GALNT13: variants seen among roughly 807,000 people sequenced by gnomAD.
The protein encoded by GALNT13 is UDP-GalNAc:polypeptide N-acetylgalactosaminyltransferase 13.
Under a neutral mutation model 64.2 loss-of-function variants are expected in GALNT13, and 28 were observed. The observed-to-expected ratio is 0.44, with a 90% CI of 0.32 to 0.60. GALNT13 has a LOEUF of 0.60. Among genes scored for constraint, GALNT13 ranks in the 20% least tolerant of loss-of-function variants. The pLI is 0.05. For missense variants in GALNT13, 577 were observed against 669.8 expected, an observed-to-expected ratio of 0.86 and a Z score of 1.53; for synonymous variants, 214 against 224.6, an observed-to-expected ratio of 0.95 and a Z score of 0.42.
chr2:153,837,340 G>C, the GALNT13 span, among the ~76,000 whole-genome samples: 1 of 151,784 alleles, frequency 6.6e-6, no homozygotes, highest in Admixed American at 6.6e-5. Context: ...CCTTTGCCCA[G>C]TTTTTGATGG....
the GALNT13 span, among the ~76,000 whole-genome samples, chr2:153,134,177 T>G: frequency 6.6e-6 from 1 of 151,758 alleles, no homozygotes; most frequent in Non-Finnish European, 1.5e-5. Context: ...AAAGAATCCA[T>G]TAAAGTCAGT....
chr2:153,363,173 CT>C, the GALNT13 span, among the ~76,000 whole-genome samples: 1 of 152,020 alleles, frequency 6.6e-6, no homozygotes, highest in African/African-American at 2.4e-5. Flanking sequence ...TCAAGAAGTT[CT>C]TTGAAACCAA....
At chr2:154,330,226 G>A (rs188463387) in intron 9 of GALNT13, among the ~76,000 whole-genome samples, 1 of 152,156 alleles carries the variant, frequency 6.6e-6, no homozygotes, top group Non-Finnish European at 1.5e-5. Flanking sequence ...ACCAGCACAT[G>A]TTTTCTAACC....
At chr2:154,217,633 A>T (rs1478762728) in intron 4 of GALNT13, among the ~76,000 whole-genome samples, 1 of 152,212 alleles carries the variant, frequency 6.6e-6, no homozygotes, top group Non-Finnish European at 1.5e-5. Context: ...TTATCAAAAA[A>T]GGAAAAAATC....
At chr2:153,393,939 T>TA in the GALNT13 span, among the ~76,000 whole-genome samples, 4 of 143,930 alleles carry the variant, frequency 2.8e-5, no homozygotes, top group Non-Finnish European at 6.0e-5. Flanking sequence ...TTTCTCTGTC[T>TA]CTCTGTCTAC....
intron 1 of GALNT13, among the ~76,000 whole-genome samples, chr2:153,899,832 C>G (rs1445804598): frequency 3.3e-5 from 5 of 150,612 alleles, no homozygotes; most frequent in Non-Finnish European, 5.9e-5. Context: ...ATGTTTGGTA[C>G]TTAAGGGGAT....
At chr2:153,928,841 T>C (rs73009833) in intron 2 of GALNT13, among the ~76,000 whole-genome samples, 12,109 of 152,192 alleles carry the variant, frequency 0.08, 817 homozygotes, top group African/African-American at 0.17. Flanking sequence ...AATTCAAGCA[T>C]GGCTGAAGAG....
chr2:153,092,688 T>G, the GALNT13 span, among the ~76,000 whole-genome samples: 1 of 152,244 alleles, frequency 6.6e-6, no homozygotes, highest in Admixed American at 6.5e-5. Flanking sequence ...TGATTTTGTA[T>G]TCTGCAGCTT....
At chr2:154,174,751 T>C (rs1213406603) in intron 4 of GALNT13, among the ~76,000 whole-genome samples, 1 of 152,186 alleles carries the variant, frequency 6.6e-6, no homozygotes, top group Non-Finnish European at 1.5e-5. Context: ...TGAAGCTTTA[T>C]GAAAATTCAA....
chr2:153,499,255 G>A, the GALNT13 span, among the ~76,000 whole-genome samples: 12 of 152,300 alleles, frequency 7.9e-5, no homozygotes, highest in East Asian at 1.7e-3. Flanking sequence ...ACAGCTCTCA[G>A]GAGACCCAAA....
the GALNT13 span, among the ~76,000 whole-genome samples, chr2:153,489,560 T>C: frequency 2.6e-5 from 4 of 152,300 alleles, no homozygotes; most frequent in African/African-American, 9.6e-5. Context: ...TATTTCACTG[T>C]TGCCGTATAT....
At chr2:153,280,583 A>G in the GALNT13 span, among the ~76,000 whole-genome samples, 1 of 152,082 alleles carries the variant, frequency 6.6e-6, no homozygotes, top group South Asian at 2.1e-4. Context: ...TTTATTTCAA[A>G]TAATTTTTTT....
At chr2:153,610,824 T>G in the GALNT13 span, among the ~76,000 whole-genome samples, 4 of 152,068 alleles carry the variant, frequency 2.6e-5, no homozygotes, top group South Asian at 2.1e-4. Flanking sequence ...TAAGAAGATA[T>G]GAATTGTATT....
At chr2:153,740,553 T>A in the GALNT13 span, among the ~76,000 whole-genome samples, 1 of 152,100 alleles carries the variant, frequency 6.6e-6, no homozygotes, top group Non-Finnish European at 1.5e-5. Flanking sequence ...CATTCGTCTT[T>A]TCTCTCTAGT....
intron 3 of GALNT13, among the ~76,000 whole-genome samples, chr2:154,130,199 C>G (rs912587183): frequency 1.3e-5 from 2 of 152,024 alleles, no homozygotes; most frequent in African/African-American, 4.8e-5. Context: ...CTTAGCAACC[C>G]CACAGAGAAG....
the GALNT13 span, among the ~76,000 whole-genome samples, chr2:153,319,049 C>T: frequency 3.9e-5 from 6 of 152,128 alleles, no homozygotes; most frequent in Non-Finnish European, 8.8e-5. Context: ...ACATTCCTCT[C>T]ATAACATAAA....
chr2:154,085,423 T>G (rs1701474777), intron 3 of GALNT13, among the ~76,000 whole-genome samples: 1 of 152,010 alleles, frequency 6.6e-6, no homozygotes, highest in African/African-American at 2.4e-5. Context: ...ATTGTAGAGA[T>G]AATTACATCC....
chr2:153,779,925 G>A, the GALNT13 span, among the ~76,000 whole-genome samples: 52,607 of 151,568 alleles, frequency 0.35, 9,559 homozygotes, highest in African/African-American at 0.4. Flanking sequence ...GTTCAGCTTC[G>A]TTTCCATCTA....
At chr2:153,104,887 T>TTTA in the GALNT13 span, among the ~76,000 whole-genome samples, 5 of 151,972 alleles carry the variant, frequency 3.3e-5, no homozygotes, top group East Asian at 1.9e-4. Flanking sequence ...TTTTCTTTTT[T>TTTA]TTATTATTAT....
Sources: allele counts gnomAD v4.1 joint callset (sites outside exome capture counted in the v4.1 genomes callset), GRCh38; gene constraint gnomAD v4.1.1; transcripts MANE v1.5; gene names NCBI Gene and HGNC (gene_info 2026-07-23, HGNC 2026-07-21).